Variants in PHYHIPL observed in about 807,000 individuals in gnomAD.
The protein encoded by PHYHIPL is phytanoyl-CoA hydroxylase-interacting protein-like.
A neutral mutation model predicts 33.4 loss-of-function variants in PHYHIPL; 9 were observed. That is an observed-to-expected ratio of 0.27 (90% confidence interval 0.16 to 0.47). The LOEUF is 0.47. Ranked by LOEUF, PHYHIPL falls within the 20% of genes least tolerant of loss-of-function variation. The pLI, the probability that PHYHIPL is intolerant of heterozygous loss-of-function variation, is 0.99. For synonymous variants in PHYHIPL, 153 were observed against 154.1 expected, an observed-to-expected ratio of 0.99 and a Z score of 0.05; for missense variants, 365 against 460.7, an observed-to-expected ratio of 0.79 and a Z score of 1.90.
chr10:59,231,216 A>G (rs1028163841), intron 1 of PHYHIPL, among the ~76,000 whole-genome samples: 1 of 152,182 alleles, frequency 6.6e-6, no homozygotes, highest in African/African-American at 2.4e-5. Flanking sequence ...TTGAAACATA[A>G]ATATGATACA....
At chr10:59,179,733 C>A (rs561987500) in intron 1 of PHYHIPL, among the ~76,000 whole-genome samples, 36 of 151,548 alleles carry the variant, frequency 2.4e-4, no homozygotes, top group African/African-American at 8.5e-4. Flanking sequence ...ACATTATAAA[C>A]AATAATTCAA....
chr10:59,232,457 A>T (rs1840106684), intron 1 of PHYHIPL, among the ~76,000 whole-genome samples: 1 of 151,948 alleles, frequency 6.6e-6, no homozygotes, highest in South Asian at 2.1e-4. Context: ...TTTTCTCTCG[A>T]ATTTTAACAA....
At position 59,239,448 on chromosome 10, in the gene PHYHIPL, T is replaced by C. The variant is rs181490597; in HGVS notation, c.596+743T>C. 1.1e-3 allele frequency among the ~76,000 whole-genome samples: 166 copies of C among 152,124 alleles called. 1 individual carries two copies. The East Asian group carries it at 0.026, about 24-fold the overall frequency. ...TCCCCATAATTCAATCAACTCCCAC[T>C]GGGTTCCTCCCATGACATGTGGGAA... On this transcript the variant is annotated intron_variant, in intron 4 of 4. Coordinates refer to ENST00000373880, the MANE Select transcript of PHYHIPL (RefSeq NM_032439.4).
chr10:59,244,379 C>A (rs557444820), intron 4 of PHYHIPL, among the ~76,000 whole-genome samples: 1 of 151,894 alleles, frequency 6.6e-6, no homozygotes, highest in Non-Finnish European at 1.5e-5. Context: ...TCCTGGCCAA[C>A]GTGGTGAAAC....
At chr10:59,232,703 G>T (rs1840114445) in intron 1 of PHYHIPL, among the ~76,000 whole-genome samples, 1 of 151,650 alleles carries the variant, frequency 6.6e-6, no homozygotes, top group Admixed American at 6.6e-5. Context: ...TTTTCACTCA[G>T]TTGTGAAATT....
intron 1 of PHYHIPL, among the ~76,000 whole-genome samples, chr10:59,214,818 G>A (rs1436723997): frequency 6.6e-6 from 1 of 151,988 alleles, no homozygotes; most frequent in Non-Finnish European, 1.5e-5. Flanking sequence ...TTATTGCCCA[G>A]ATGATGGTAT....
intron 1 of PHYHIPL, among the ~76,000 whole-genome samples, chr10:59,231,328 C>T (rs1343361352): frequency 6.6e-6 from 1 of 151,856 alleles, no homozygotes; most frequent in Non-Finnish European, 1.5e-5. Context: ...GGAAAAAAAT[C>T]CAACTGTTTG....
At position 59,245,255 on chromosome 10, in the gene PHYHIPL, CTT is replaced by C; in HGVS notation, c.796_797del (p.Leu266IlefsTer28). 1 of 1,614,056 alleles carries C rather than the reference CTT, an allele frequency of 6.2e-7. No homozygotes were observed. Among genetic ancestry groups the C allele is most frequent in the Non-Finnish European group, 8.5e-7 (1 of 1,179,948 alleles). Reference protein sequence around the residue: ...AEKLFNPNTNLYFGDFYCMYT... With the variant: ...AEKLFNPNTNXYFGDFYCMYT... Reference sequence around the variant, plus strand: ...AAAAACTTTTTAACCCCAATACTAACTTATACTTTGGGGACTTCTACTGTATG... The same window carrying C: ...AAAAACTTTTTAACCCCAATACTAACATACTTTGGGGACTTCTACTGTATG... On this transcript the variant is annotated frameshift_variant, in exon 5 of 5. Coordinates refer to ENST00000373880, the MANE Select transcript of PHYHIPL (RefSeq NM_032439.4). LOFTEE classifies it high-confidence loss of function.
chr10:59,235,915 A>G (rs1338856627), intron 2 of PHYHIPL, among the ~76,000 whole-genome samples: 2 of 151,944 alleles, frequency 1.3e-5, no homozygotes, highest in Admixed American at 1.3e-4. Context: ...AACCTGTAAA[A>G]TATCAAGTAA....
intron 1 of PHYHIPL, among the ~76,000 whole-genome samples, chr10:59,223,560 A>G (rs1839837311): frequency 6.6e-6 from 1 of 152,218 alleles, no homozygotes; most frequent in Admixed American, 6.5e-5. Context: ...TAAAACACAT[A>G]TGGATGGGAA....
chr10:59,176,752 C>T lies in PHYHIPL; in HGVS notation c.-102C>T, dbSNP rs1838261408. On this transcript the variant is annotated 5_prime_UTR_variant, in exon 1 of 5. Coordinates refer to ENST00000373880, the MANE Select transcript of PHYHIPL (RefSeq NM_032439.4). ...ATCACCGCGTCCCAGGCCTCCTTCC[C>T]TCCCTCTGCCACTCCCCCTCCCTTT... The T allele has an allele frequency of 9.2e-7, 1 of 1,090,604 alleles. No individual in the cohort carries two copies. Among genetic ancestry groups the T allele is most frequent in the Non-Finnish European group, 1.3e-6 (1 of 761,052 alleles). 67.6% of individuals were successfully genotyped at this position (1,090,604 alleles called of 1,614,324 possible). A position where few individuals can be genotyped will look rare whatever the true frequency, so the allele number is the denominator to read the frequency against.
rs1417130751 is a variant in PHYHIPL, at chr10:59,216,403, A to G, written c.107-17901A>G. ...TTCTTTGTAACTCTTGGCTTCAAAG[A>G]TAAGAACATTCCTTTCTTTTGGATA... On this transcript the variant is annotated intron_variant, in intron 1 of 4. Coordinates refer to ENST00000373880, the MANE Select transcript of PHYHIPL (RefSeq NM_032439.4). Among the ~76,000 whole-genome samples the G allele has an allele frequency of 5.9e-5, 9 of 152,122 alleles. No individual in the cohort carries two copies. In the East Asian group the frequency reaches 1.5e-3, roughly 26 times the overall value.
In PHYHIPL at chr10:59,176,951, A is replaced by T. The variant is rs758362394; in HGVS notation, c.98A>T (p.Asp33Val). 9 of 1,612,964 alleles carry T rather than the reference A, an allele frequency of 5.6e-6. No homozygotes were observed. In the East Asian group the frequency reaches 1.8e-4, roughly 32 times the overall value. ...NLSLEAIQLC[D>V]RDGNKSQDSG... is the part of the protein sequence containing the mutation. Reference sequence around the variant, plus strand: ...AGCCTGGAGGCCATTCAGCTGTGCGACCGGGACGGTAAGAGCGGCCGGGAC... The same window carrying T: ...AGCCTGGAGGCCATTCAGCTGTGCGTCCGGGACGGTAAGAGCGGCCGGGAC... Residue 33 changes from aspartate (D) to valine (V), a missense_variant, in exon 1 of 5, where the codon GAC becomes GTC. By Grantham distance (152) the Asp-to-Val change is radical. Coordinates refer to ENST00000373880, the MANE Select transcript of PHYHIPL (RefSeq NM_032439.4).
rs76341267 is a variant in PHYHIPL, at chr10:59,245,856, T to C, written c.*265T>C. On this transcript the variant is annotated 3_prime_UTR_variant, in exon 5 of 5. Transcript: ENST00000373880. Reference sequence around the variant, plus strand: ...TATTGCCTAGATGCTGCAATGTTTTTATGTTTCCTTTATGCCAAACATAAC... The same window carrying C: ...TATTGCCTAGATGCTGCAATGTTTTCATGTTTCCTTTATGCCAAACATAAC... 469 of 408,840 alleles carry C rather than the reference T, an allele frequency of 1.1e-3. 3 individuals carry two copies. Among genetic ancestry groups the C allele is most frequent in the African/African-American group, 8.0e-3 (395 of 49,504 alleles). 25.3% of individuals were successfully genotyped at this position (408,840 alleles called of 1,614,324 possible).
upstream of PHYHIPL, among the ~76,000 whole-genome samples, chr10:59,174,634 T>C (rs756356462): frequency 2.6e-5 from 4 of 152,242 alleles, no homozygotes; most frequent in Admixed American, 1.3e-4. Flanking sequence ...ATACACTTCT[T>C]GAAACATTAC....
At chr10:59,244,251 G>GAT (rs1840539679) in intron 4 of PHYHIPL, among the ~76,000 whole-genome samples, 1 of 152,188 alleles carries the variant, frequency 6.6e-6, no homozygotes, top group Non-Finnish European at 1.5e-5. Context: ...GAAATAACCT[G>GAT]ATTACTGTCC....
intron 1 of PHYHIPL, among the ~76,000 whole-genome samples, chr10:59,190,290 T>A (rs1838750404): frequency 6.6e-6 from 1 of 151,944 alleles, no homozygotes; most frequent in Non-Finnish European, 1.5e-5. Context: ...TGTAATGTTT[T>A]TAAGTCATCT....
intron 1 of PHYHIPL, among the ~76,000 whole-genome samples, chr10:59,196,535 C>T (rs1838924886): frequency 6.6e-6 from 1 of 151,634 alleles, no homozygotes; most frequent in Non-Finnish European, 1.5e-5. Flanking sequence ...CCTCACACCT[C>T]AGCCTCCTGA....
chr10:59,243,492 A>G (rs1173013124), intron 4 of PHYHIPL, among the ~76,000 whole-genome samples: 1 of 152,164 alleles, frequency 6.6e-6, no homozygotes, highest in Non-Finnish European at 1.5e-5. Flanking sequence ...CCAGGATATC[A>G]CACATTTATT....
Sources: allele counts gnomAD v4.1 joint callset (sites outside exome capture counted in the v4.1 genomes callset), GRCh38; gene constraint gnomAD v4.1.1; transcripts MANE v1.5; gene names NCBI Gene and HGNC (gene_info 2026-07-23, HGNC 2026-07-21).